MMP16: variants seen among roughly 807,000 people sequenced by gnomAD.
MMP16 encodes matrix metalloproteinase-16.
MMP16 carries 12 observed loss-of-function variants against 67.8 expected under a neutral mutation model. That is an observed-to-expected ratio of 0.18 (90% CI 0.11 to 0.29). The LOEUF (loss-of-function observed/expected upper bound fraction) is 0.29, where lower values mean the gene tolerates loss of function less well. Ranked by LOEUF, MMP16 falls within the 10% of genes least tolerant of loss-of-function variation. The probability of loss-of-function intolerance (pLI) is 1.00; values close to 1 mark genes in which losing one functional copy is unlikely to be tolerated. For synonymous variants in MMP16, 249 were observed against 255.9 expected, an observed-to-expected ratio of 0.97 and a Z score of 0.26; for missense variants, 475 against 765.7, an observed-to-expected ratio of 0.62 and a Z score of 4.48.
chr8:88,237,867 G>C (rs952102037), intron 1 of MMP16, among the ~76,000 whole-genome samples: 4 of 152,134 alleles, frequency 2.6e-5, no homozygotes, highest in African/African-American at 9.7e-5. Flanking sequence ...TCTTGGAAAT[G>C]ATTTGTGTGC....
chr8:88,310,094 T>C (rs1811272898), intron 1 of MMP16, among the ~76,000 whole-genome samples: 1 of 152,116 alleles, frequency 6.6e-6, no homozygotes, highest in Non-Finnish European at 1.5e-5. Flanking sequence ...TGTTCAATAA[T>C]AGTAATAACT....
chr8:88,183,328 C>G (rs938713197), intron 3 of MMP16, among the ~76,000 whole-genome samples: 1 of 152,126 alleles, frequency 6.6e-6, no homozygotes, highest in Non-Finnish European at 1.5e-5. Flanking sequence ...AGAGGGTATG[C>G]AGTAACTCTG....
At chr8:88,190,029 T>C (rs894701482) in intron 2 of MMP16, among the ~76,000 whole-genome samples, 27 of 152,198 alleles carry the variant, frequency 1.8e-4, no homozygotes, top group African/African-American at 6.5e-4. Context: ...ACTTCATAAC[T>C]TTTTCCAGCT....
chr8:88,292,677 G>GT (rs1377138139), intron 1 of MMP16, among the ~76,000 whole-genome samples: 2 of 152,074 alleles, frequency 1.3e-5, no homozygotes, highest in Non-Finnish European at 2.9e-5. Context: ...TAATTAAACA[G>GT]TTTTTTCACT....
intron 1 of MMP16, among the ~76,000 whole-genome samples, chr8:88,235,253 A>G (rs1041365156): frequency 6.6e-6 from 1 of 151,996 alleles, no homozygotes. Context: ...TTAGCCAGGC[A>G]TGGTGGTGCA....
chr8:88,052,034 T>C (rs1218845769), intron 8 of MMP16, among the ~76,000 whole-genome samples: 2 of 152,204 alleles, frequency 1.3e-5, no homozygotes, highest in African/African-American at 4.8e-5. Context: ...TCATTTCATC[T>C]ACTCTCTTTA....
At chr8:88,051,729 G>A (rs1808273884) in intron 8 of MMP16, among the ~76,000 whole-genome samples, 1 of 152,096 alleles carries the variant, frequency 6.6e-6, no homozygotes, top group Admixed American at 6.6e-5. Flanking sequence ...AGAAAATAAA[G>A]TAGGTCTACA....
chr8:88,187,264 T>C lies in MMP16; in HGVS notation c.282-666A>G, dbSNP rs28907577. Among the ~76,000 whole-genome samples, 601 of 152,324 alleles carry C rather than the reference T, an allele frequency of 3.9e-3. 5 individuals carry two copies. The highest frequency in any genetic ancestry group is 0.014 in the African/African-American group (575 of 41,588). On this transcript the variant is annotated intron_variant, in intron 2 of 9. Transcript: ENST00000286614. ...TCACAAGACTAAGGTTTGATGTACTTAAATTTGAAAAGGAAATGCTGCTTT... is the reference window on the plus strand; with the variant it reads ...TCACAAGACTAAGGTTTGATGTACTCAAATTTGAAAAGGAAATGCTGCTTT...
At chr8:88,127,343 T>C (rs573507672) in intron 4 of MMP16, among the ~76,000 whole-genome samples, 61 of 151,942 alleles carry the variant, frequency 4.0e-4, no homozygotes, top group Non-Finnish European at 6.3e-4. Flanking sequence ...TATGAAATGA[T>C]TGATGGCAAA....
intron 6 of MMP16, among the ~76,000 whole-genome samples, chr8:88,082,960 A>T (rs1808778063): frequency 6.6e-6 from 1 of 152,038 alleles, no homozygotes; most frequent in Admixed American, 6.6e-5. Context: ...CAGTACTCTG[A>T]TTGTACATTA....
chr8:88,187,914 G>A (rs182390657), intron 2 of MMP16, among the ~76,000 whole-genome samples: 5 of 152,166 alleles, frequency 3.3e-5, no homozygotes, highest in Admixed American at 1.3e-4. Flanking sequence ...TAAAGTCCAC[G>A]AATTAAAAAA....
intron 1 of MMP16, among the ~76,000 whole-genome samples, chr8:88,203,353 C>T (rs1244193466): frequency 2.0e-5 from 3 of 152,004 alleles, no homozygotes; most frequent in African/African-American, 7.2e-5. Context: ...CCACCCACCT[C>T]GTCCTCCCAA....
At chr8:88,079,246 A>G (rs1808704956) in intron 6 of MMP16, among the ~76,000 whole-genome samples, 1 of 152,136 alleles carries the variant, frequency 6.6e-6, no homozygotes, top group Non-Finnish European at 1.5e-5. Flanking sequence ...AGTTTCAGTT[A>G]CCTGTGGTCA....
At chr8:88,283,731 T>C (rs1810778707) in intron 1 of MMP16, among the ~76,000 whole-genome samples, 1 of 152,208 alleles carries the variant, frequency 6.6e-6, no homozygotes, top group South Asian at 2.1e-4. Context: ...TTTTTATTAA[T>C]AATCATGAGG....
chr8:88,318,853 G>T (rs1412684042), intron 1 of MMP16, among the ~76,000 whole-genome samples: 1 of 152,054 alleles, frequency 6.6e-6, no homozygotes, highest in Non-Finnish European at 1.5e-5. Flanking sequence ...TGTTCAAATG[G>T]TATTTCCATG....
chr8:88,121,345 T>C (rs1302506685), intron 4 of MMP16, among the ~76,000 whole-genome samples: 1 of 151,920 alleles, frequency 6.6e-6, no homozygotes, highest in Non-Finnish European at 1.5e-5. Flanking sequence ...ATCAGAAACA[T>C]TGGCCAAGGG....
intron 1 of MMP16, among the ~76,000 whole-genome samples, chr8:88,206,221 A>C (rs540757618): frequency 3.9e-4 from 59 of 152,270 alleles, no homozygotes; most frequent in African/African-American, 1.4e-3. Flanking sequence ...TGACACTGTT[A>C]TACAATCAGC....
intron 1 of MMP16, among the ~76,000 whole-genome samples, chr8:88,255,435 T>G (rs919414598): frequency 7.9e-5 from 12 of 152,166 alleles, no homozygotes; most frequent in African/African-American, 2.9e-4. Flanking sequence ...TCAGGTGGTA[T>G]TTCTTTATAG....
At chr8:88,322,063 T>C (rs1014033403) in intron 1 of MMP16, among the ~76,000 whole-genome samples, 1 of 152,194 alleles carries the variant, frequency 6.6e-6, no homozygotes, top group Admixed American at 6.5e-5. Context: ...AACTTTTTTG[T>C]TGTTGTTCAG....
Sources: allele counts gnomAD v4.1 joint callset (sites outside exome capture counted in the v4.1 genomes callset), GRCh38; gene constraint gnomAD v4.1.1; transcripts MANE v1.5; gene names NCBI Gene and HGNC (gene_info 2026-07-23, HGNC 2026-07-21).